Variants in INSL6 observed in about 807,000 individuals in gnomAD.
INSL6 encodes insulin like 6.
A neutral mutation model predicts 9.4 loss-of-function variants in INSL6; 16 were observed. That is an observed-to-expected ratio of 1.70 (90% CI 1.15 to 2.59). The LOEUF is 2.59. INSL6 is among the 30% of genes most tolerant of loss of function. The pLI is 0.00. For synonymous variants in INSL6, 154 were observed against 96.9 expected (o/e 1.59, Z -3.46); for missense variants, 391 against 257.3 (o/e 1.52, Z -3.56).
At chr9:5,121,617 G>A (rs1171000111), downstream of INSL6, among the ~76,000 whole-genome samples, 2 of 152,090 alleles carry the variant, frequency 1.3e-5, no homozygotes, top group African/African-American at 4.8e-5. Context: ...AGACATTCAT[G>A]GGTCACAAAA....
the INSL6 span, chr9:5,054,874 T>G: frequency 6.3e-7 from 1 of 1,594,186 alleles, no homozygotes; most frequent in Non-Finnish European, 8.6e-7. This position sits in a 1 kb window ranked among gnomAD's most constrained non-coding sequence, Gnocchi z 4.9. Flanking sequence ...AGTGAGACAC[T>G]GACAGAACAG....
chr9:5,122,013 AAAG>A (rs1168846434), downstream of INSL6, among the ~76,000 whole-genome samples: 1 of 152,190 alleles, frequency 6.6e-6, no homozygotes, highest in Non-Finnish European at 1.5e-5. Context: ...CTAAATGTAA[AAAG>A]AATATAGCAT....
downstream of INSL6, among the ~76,000 whole-genome samples, chr9:5,159,266 A>G (rs1673071349): frequency 6.6e-6 from 1 of 152,156 alleles, no homozygotes; most frequent in South Asian, 2.1e-4. Context: ...AATATATAAC[A>G]AAATGGCAGG....
chr9:5,086,194 C>T, the INSL6 span: 2 of 539,730 alleles, frequency 3.7e-6, no homozygotes, highest in African/African-American at 2.1e-5. Context: ...AACAGCCGCG[C>T]CGCCCCCGCC....
chr9:4,991,989 A>G, the INSL6 span, among the ~76,000 whole-genome samples: 2 of 152,162 alleles, frequency 1.3e-5, no homozygotes, highest in Non-Finnish European at 2.9e-5. Context: ...GTGATTTAAA[A>G]CAACTACTTT....
At chr9:5,146,566 C>T (rs954214440) in intron 2 of INSL6, among the ~76,000 whole-genome samples, 7 of 152,162 alleles carry the variant, frequency 4.6e-5, no homozygotes, top group African/African-American at 1.7e-4. Flanking sequence ...TGGGAGGATA[C>T]CCTGTTCTCT....
chr9:5,144,363 G>C (rs1024865468), intron 2 of INSL6, among the ~76,000 whole-genome samples: 3 of 152,186 alleles, frequency 2.0e-5, no homozygotes, highest in Non-Finnish European at 2.9e-5. Context: ...TGTGGTACGA[G>C]AGACCGTTTG....
the INSL6 span, among the ~76,000 whole-genome samples, chr9:5,103,129 T>A: frequency 6.9e-6 from 1 of 144,810 alleles, no homozygotes; most frequent in East Asian, 2.1e-4. Flanking sequence ...GACCCATCAC[T>A]GTGCTGTATT....
At chr9:5,083,308 A>G in the INSL6 span, among the ~76,000 whole-genome samples, 1 of 152,182 alleles carries the variant, frequency 6.6e-6, no homozygotes, top group African/African-American at 2.4e-5. Flanking sequence ...CCTACATATT[A>G]TAAGTAAGAC....
the INSL6 span, among the ~76,000 whole-genome samples, chr9:4,995,244 T>C: frequency 6.6e-6 from 1 of 152,236 alleles, no homozygotes; most frequent in African/African-American, 2.4e-5. Context: ...CTTTGCTTTG[T>C]GGGAGCTCTT....
At chr9:4,996,157 T>C in the INSL6 span, among the ~76,000 whole-genome samples, 4 of 152,234 alleles carry the variant, frequency 2.6e-5, no homozygotes, top group African/African-American at 9.6e-5. Context: ...GTCTGGATTT[T>C]ACAACTTATT....
At chr9:5,083,399 C>G in the INSL6 span, among the ~76,000 whole-genome samples, 8 of 152,196 alleles carry the variant, frequency 5.3e-5, no homozygotes, top group Non-Finnish European at 2.9e-5. Context: ...AAGGTTCTCA[C>G]TAGTAAGTAC....
At chr9:5,145,767 T>C (rs1430893187) in intron 2 of INSL6, among the ~76,000 whole-genome samples, 1 of 152,196 alleles carries the variant, frequency 6.6e-6, no homozygotes, top group Admixed American at 6.5e-5. Flanking sequence ...GATTGCATTA[T>C]GAAATTATTG....
At chr9:5,069,916 T>C in the INSL6 span, 2 of 1,567,748 alleles carry the variant, frequency 1.3e-6, no homozygotes, top group South Asian at 2.3e-5. Flanking sequence ...ATGTATTTTA[T>C]TTTTTCAGAT....
chr9:5,066,963 C>T, the INSL6 span, among the ~76,000 whole-genome samples: 59 of 151,714 alleles, frequency 3.9e-4, no homozygotes, highest in African/African-American at 1.4e-3. Flanking sequence ...GTTATAATTC[C>T]CAGGGTTTAT....
chr9:5,052,412 T>C, the INSL6 span, among the ~76,000 whole-genome samples: 1 of 152,142 alleles, frequency 6.6e-6, no homozygotes, highest in African/African-American at 2.4e-5. Flanking sequence ...CATCATTTTT[T>C]TTTACTGCTT....
intron 3 of INSL6, among the ~76,000 whole-genome samples, chr9:5,125,770 G>A (rs1823949948): frequency 6.6e-6 from 1 of 151,346 alleles, no homozygotes; most frequent in African/African-American, 2.4e-5. Context: ...GGTGTTTAGG[G>A]TGGGTATGTA....
At chr9:5,067,794 C>T in the INSL6 span, among the ~76,000 whole-genome samples, 16 of 152,026 alleles carry the variant, frequency 1.1e-4, no homozygotes, top group African/African-American at 3.9e-4. Context: ...ACAAAAAATT[C>T]TAAATCGAAC....
the INSL6 span, among the ~76,000 whole-genome samples, chr9:5,006,869 G>A: frequency 3.9e-5 from 6 of 152,110 alleles, no homozygotes; most frequent in Non-Finnish European, 7.4e-5. Flanking sequence ...TTCTTCTTGT[G>A]CTAGTTTAGG....
Sources: gnomAD v4.1 joint callset for allele counts (sites outside exome capture counted in the v4.1 genomes callset) on GRCh38, gnomAD v4.1.1 for gene constraint, Gnocchi (gnomAD v3.1) non-coding constraint, MANE v1.5 for transcripts, NCBI Gene and HGNC (gene_info 2026-07-23, HGNC 2026-07-21) for gene names.